The following CCDC60 variants were observed in gnomAD, a reference collection of about 807,000 sequenced individuals.
CCDC60 encodes coiled-coil domain containing 60.
Under a neutral mutation model 63.5 loss-of-function variants are expected in CCDC60, and 54 were observed. That is an observed-to-expected ratio of 0.85 (90% CI 0.68 to 1.07). The LOEUF is 1.07. Ranked by LOEUF, CCDC60 falls within the 50% of genes least tolerant of loss-of-function variation. The pLI is 0.00. For missense variants in CCDC60, 651 were observed against 684.3 expected, an observed-to-expected ratio of 0.95 and a Z score of 0.54; for synonymous variants, 206 against 238.8, an observed-to-expected ratio of 0.86 and a Z score of 1.27.
intron 7 of CCDC60, among the ~76,000 whole-genome samples, chr12:119,507,862 C>A (rs1488447015): frequency 6.6e-6 from 1 of 151,684 alleles, no homozygotes; most frequent in East Asian, 1.9e-4. Flanking sequence ...TTAGAAGAGA[C>A]AAATGATAAA....
chr12:119,507,964 T>C (rs1952100566), intron 7 of CCDC60, among the ~76,000 whole-genome samples: 1 of 151,964 alleles, frequency 6.6e-6, no homozygotes, highest in Non-Finnish European at 1.5e-5. Context: ...GTCCAGGAAT[T>C]TGAGACCAGT....
At chr12:119,470,191 A>G (rs1343830199) in intron 2 of CCDC60, among the ~76,000 whole-genome samples, 1 of 152,204 alleles carries the variant, frequency 6.6e-6, no homozygotes, top group East Asian at 1.9e-4. Flanking sequence ...CTACTGGTGA[A>G]TTCCTACTTA....
intron 6 of CCDC60, among the ~76,000 whole-genome samples, chr12:119,500,916 A>C (rs1273579235): frequency 6.6e-6 from 1 of 152,208 alleles, no homozygotes; most frequent in Non-Finnish European, 1.5e-5. Flanking sequence ...ACAAACTAGA[A>C]GGTGCAGTTA....
intron 2 of CCDC60, among the ~76,000 whole-genome samples, chr12:119,453,817 G>A (rs1235438069): frequency 6.6e-6 from 1 of 152,028 alleles, no homozygotes. Context: ...AGGAGCAGGA[G>A]GAGAAGGAAG....
intron 11 of CCDC60, 54 bp downstream of exon 11, chr12:119,523,872 A>C (rs943163945): frequency 3.2e-6 from 5 of 1,576,564 alleles, no homozygotes; most frequent in Non-Finnish European, 4.3e-6. Flanking sequence ...GGTACCTACT[A>C]TATGCCTGCC....
At chr12:119,509,163 G>A (rs1296598613) in intron 7 of CCDC60, among the ~76,000 whole-genome samples, 1 of 152,238 alleles carries the variant, frequency 6.6e-6, no homozygotes, top group East Asian at 1.9e-4. Context: ...TATTGCTTTT[G>A]TCTTGAAGAT....
intron 5 of CCDC60, among the ~76,000 whole-genome samples, chr12:119,498,878 C>A (rs1166321883): frequency 6.6e-6 from 1 of 152,134 alleles, no homozygotes; most frequent in African/African-American, 2.4e-5. Flanking sequence ...AGTAGAGACC[C>A]ACTTCCCCAT....
intron 2 of CCDC60, 71 bp downstream of exon 2, chr12:119,428,833 A>T (rs949728177): frequency 1.1e-5 from 11 of 995,426 alleles, no homozygotes; most frequent in Non-Finnish European, 1.6e-5. Flanking sequence ...GGTGTTGCCT[A>T]CAAGTCCTTG....
At position 119,507,565 on chromosome 12, in the gene CCDC60, TATATGTATATATACACATATATATAC is replaced by T. The variant is rs1333390638; in HGVS notation, c.883+2267_883+2292del. Reference sequence around the variant, plus strand: ...ACATATATATACATATATATATATATATATGTATATATACACATATATATACATATATATATATATATATATATATT... The same window carrying T: ...ACATATATATACATATATATATATATATATATATATATATATATATATATT... On this transcript the variant is annotated intron_variant, in intron 7 of 13. Transcript: ENST00000327554. Among the ~76,000 whole-genome samples, 87 of 67,564 alleles carry T rather than the reference TATATGTATATATACACATATATATAC, an allele frequency of 1.3e-3. 7 individuals carry two copies. Among genetic ancestry groups the T allele is most frequent in the African/African-American group, 7.3e-3 (87 of 11,844 alleles). 44.3% of individuals were successfully genotyped at this position (67,564 alleles called of 152,430 possible).
intron 6 of CCDC60, among the ~76,000 whole-genome samples, chr12:119,503,817 C>A (rs1420324415): frequency 6.6e-6 from 1 of 152,202 alleles, no homozygotes; most frequent in Admixed American, 6.5e-5. Context: ...CTCCACCCTG[C>A]GCAATGTGTA....
At chr12:119,426,658 C>A (rs1956907434) in intron 1 of CCDC60, among the ~76,000 whole-genome samples, 1 of 152,164 alleles carries the variant, frequency 6.6e-6, no homozygotes, top group Non-Finnish European at 1.5e-5. Flanking sequence ...TGCGCCTGGC[C>A]CCACTTTGTC....
chr12:119,428,497 C>A (rs1956939385), intron 1 of CCDC60, among the ~76,000 whole-genome samples, 186 bp from the exon 2 acceptor site: 1 of 152,152 alleles, frequency 6.6e-6, no homozygotes. Flanking sequence ...GTCTCCAAAA[C>A]CCTTACCATG....
intron 13 of CCDC60, among the ~76,000 whole-genome samples, chr12:119,535,742 T>C (rs1952982899): frequency 6.6e-6 from 1 of 152,264 alleles, no homozygotes; most frequent in Non-Finnish European, 1.5e-5. Context: ...AGTTTCTTAA[T>C]CCTGAATTCT....
At chr12:119,452,215 T>C (rs1950646531) in intron 2 of CCDC60, among the ~76,000 whole-genome samples, 1 of 152,212 alleles carries the variant, frequency 6.6e-6, no homozygotes, top group Admixed American at 6.5e-5. Context: ...GCTTTTCTAA[T>C]TGTGGCCCTG....
intron 1 of CCDC60, among the ~76,000 whole-genome samples, chr12:119,427,079 C>T (rs1478930596): frequency 6.6e-6 from 1 of 152,164 alleles, no homozygotes; most frequent in Non-Finnish European, 1.5e-5. Context: ...ACCAACCAGC[C>T]TTTGTCAAAT....
At position 119,522,953 on chromosome 12, in the gene CCDC60, G is replaced by C; in HGVS notation, c.1055G>C (p.Ser352Thr). 1 of 1,614,196 alleles carries C rather than the reference G, an allele frequency of 6.2e-7. No individual in the cohort carries two copies. Among genetic ancestry groups the C allele is most frequent in the Admixed American group, 1.7e-5 (1 of 60,020 alleles). ...TTLKSSERSS[S>T]TSAESHIQPV... Reference sequence around the variant, plus strand: ...TTGTGTTTCAGTGAGAGATCCAGCAGTACAAGTGCAGAAAGCCACATCCAA... The same window carrying C: ...TTGTGTTTCAGTGAGAGATCCAGCACTACAAGTGCAGAAAGCCACATCCAA... The change falls in exon 10 of 14, where the codon AGT becomes ACT. Residue 352 changes from serine to threonine, a missense_variant. Coordinates refer to ENST00000327554, the MANE Select transcript of CCDC60 (RefSeq NM_178499.5).
intron 8 of CCDC60, among the ~76,000 whole-genome samples, chr12:119,519,405 G>A (rs932467147): frequency 9.2e-5 from 5 of 54,494 alleles, no homozygotes; most frequent in South Asian, 1.3e-3. Flanking sequence ...ATATATATGT[G>A]TGTGTGTGTG....
At chr12:119,431,832 C>T (rs1173082635) in intron 2 of CCDC60, among the ~76,000 whole-genome samples, 1 of 152,170 alleles carries the variant, frequency 6.6e-6, no homozygotes, top group African/African-American at 2.4e-5. Context: ...GAGCCCACCA[C>T]CACGCCTGGC....
chr12:119,392,835 C>T (rs10849652), intron 1 of CCDC60, among the ~76,000 whole-genome samples: 37,575 of 151,976 alleles, frequency 0.25, 4,883 homozygotes, highest in South Asian at 0.39. Flanking sequence ...CCCTGGGTCT[C>T]GTGTTTGTGA....
Sources: allele counts gnomAD v4.1 joint callset (sites outside exome capture counted in the v4.1 genomes callset), GRCh38; gene constraint gnomAD v4.1.1; transcripts MANE v1.5; gene names NCBI Gene and HGNC (gene_info 2026-07-23, HGNC 2026-07-21).